COL6A1: variants seen among roughly 807,000 people sequenced by gnomAD.
COL6A1 encodes collagen type VI alpha 1 chain, also known as collagen alpha-1(VI) chain.
A neutral mutation model predicts 145.6 loss-of-function variants in COL6A1; 80 were observed. The observed-to-expected ratio is 0.55, with a 90% CI of 0.46 to 0.66. The LOEUF is 0.66. Among genes scored for constraint, COL6A1 ranks in the 30% least tolerant of loss-of-function variants. COL6A1 has a pLI of 0.00. For synonymous variants in COL6A1, 638 were observed against 622.8 expected, an observed-to-expected ratio of 1.02 and a Z score of -0.36; for missense variants, 1,364 against 1,473.8, an observed-to-expected ratio of 0.93 and a Z score of 1.22.
At chr21:45,996,973 A>C (rs1243880573) in intron 20 of COL6A1, among the ~76,000 whole-genome samples, 1 of 152,090 alleles carries the variant, frequency 6.6e-6, no homozygotes, top group Non-Finnish European at 1.5e-5. Context: ...GGGGACCATG[A>C]GGGAGGGCAG....
In COL6A1 at chr21:45,982,451, C is replaced by A. The variant is rs540639084; in HGVS notation, c.98-183C>A. 2.6e-5 allele frequency among the ~76,000 whole-genome samples: 4 copies of A among 152,320 alleles called. No homozygotes were observed. The South Asian group carries it at 8.3e-4, about 32-fold the overall frequency. On this transcript the variant is annotated intron_variant, in intron 1 of 34. Transcript: ENST00000361866. Reference sequence around the variant, plus strand: ...TCGAGGCACAGGAGCGGTTTGGGGTCTCTCACTCCACCCCCTCCCCACCGT... The same window carrying A: ...TCGAGGCACAGGAGCGGTTTGGGGTATCTCACTCCACCCCCTCCCCACCGT...
At chr21:45,989,034 T>C in intron 8 of COL6A1, 50 bp from the exon 9 acceptor site, 2 of 1,597,944 alleles carry the variant, frequency 1.3e-6, no homozygotes, top group Non-Finnish European at 1.7e-6. Context: ...TGAGCCAGCT[T>C]TTTAGAAAGA....
intron 9 of COL6A1, 125 bp downstream of exon 9, chr21:45,989,262 G>A (rs901937358): frequency 7.4e-6 from 8 of 1,087,922 alleles, no homozygotes; most frequent in Non-Finnish European, 1.1e-5. Context: ...TTCCTTGTGG[G>A]TGGGAGCAGA....
intron 3 of COL6A1, among the ~76,000 whole-genome samples, chr21:45,985,043 GAAAC>G (rs1603589711): frequency 6.6e-6 from 1 of 151,430 alleles, no homozygotes. Context: ...CAGAGACAGA[GAAAC>G]AAAGACAGTC....
intron 20 of COL6A1, among the ~76,000 whole-genome samples, chr21:45,996,295 G>T (rs1262499747): frequency 6.6e-6 from 1 of 152,206 alleles, no homozygotes; most frequent in Non-Finnish European, 1.5e-5. Flanking sequence ...TGAGCTTCTG[G>T]ACCTCCTTGA....
intron 20 of COL6A1, among the ~76,000 whole-genome samples, chr21:45,995,909 G>A (rs1321158354): frequency 1.4e-5 from 2 of 147,220 alleles, no homozygotes; most frequent in Non-Finnish European, 3.0e-5. Flanking sequence ...CCATCGGGAC[G>A]TTGGGCTCCC....
In COL6A1 at chr21:45,992,066, A is replaced by T. The variant is rs1482715255; in HGVS notation, c.1176A>T (p.Gly392=). The change falls in exon 16 of 35, where the codon GGA becomes GGT. Residue 392 remains glycine, a synonymous_variant. Coordinates refer to ENST00000361866, the MANE Select transcript of COL6A1 (RefSeq NM_001848.3). ...GACCAGGGAGCTCGGGACCATCTGG[A>T]GACGAGGTGAGGAGCTTCACAGCCC... is the stretch of plus-strand genomic sequence containing the variant. ...AGRPGSSGPS[G]DEGQPGEPGP... The T allele has an allele frequency of 1.9e-6, 3 of 1,612,184 alleles. No homozygotes were observed. In the African/African-American group the frequency reaches 4.0e-5, roughly 22 times the overall value.
Position 45,998,446 on chromosome 21 carries a change from C to T in COL6A1, c.1611+13C>T, listed in dbSNP as rs954713402. On this transcript the variant is annotated intron_variant, in intron 24 of 34. Transcript: ENST00000361866. ...TCCCGGGATAAACGTGAGTACGCCC[C>T]CTCCTCCATCTGGCTGTGGGCACAC... 1 of 1,613,246 alleles carries T rather than the reference C, an allele frequency of 6.2e-7. No individual in the cohort carries two copies. The highest frequency in any genetic ancestry group is 8.5e-7 in the Non-Finnish European group (1 of 1,179,988).
chr21:45,987,607 C>T lies in COL6A1; in HGVS notation c.760-3C>T. Reference sequence around the variant, plus strand: ...CTGGCTGACCGTCCCCTCTGCCTTGCAGCCTGCAAGAGGACCTCCGGGGCT... The same window carrying T: ...CTGGCTGACCGTCCCCTCTGCCTTGTAGCCTGCAAGAGGACCTCCGGGGCT... On this transcript the variant is annotated splice_region_variant and splice_polypyrimidine_tract_variant and intron_variant, in intron 7 of 34. Coordinates refer to ENST00000361866, the MANE Select transcript of COL6A1 (RefSeq NM_001848.3). 1 of 1,612,196 alleles carries T rather than the reference C, an allele frequency of 6.2e-7. No homozygotes were observed.
chr21:46,002,364 C>A lies in COL6A1; in HGVS notation c.2213C>A (p.Thr738Asn). The part of the protein sequence containing the change: ...TDGRSDTQRD[T>N]TPLNVLCSPG... Reference sequence around the variant, plus strand: ...GGGCGCTCAGACACTCAGAGGGACACCACACCGCTCAACGTGCTCTGCAGC... The same window carrying A: ...GGGCGCTCAGACACTCAGAGGGACAACACACCGCTCAACGTGCTCTGCAGC... The change falls in exon 32 of 35, where the codon ACC (threonine) becomes AAC (asparagine). Residue 738 changes from threonine (T) to asparagine (N), a missense_variant. Thr to Asn is a moderately conservative substitution (Grantham distance 65). This residue lies in a region of COL6A1 where 938 missense variants were observed against 1,003.8 expected (regional missense o/e 0.93). Coordinates refer to ENST00000361866, the MANE Select transcript of COL6A1 (RefSeq NM_001848.3). The A allele has an allele frequency of 1.3e-6, 2 of 1,594,110 alleles. No individual in the cohort carries two copies. The highest frequency in any genetic ancestry group is 1.7e-6 in the Non-Finnish European group (2 of 1,170,886).
At chr21:45,992,487 T>C in intron 18 of COL6A1, 89 bp downstream of exon 18, 1 of 1,463,252 alleles carries the variant, frequency 6.8e-7, no homozygotes, top group Non-Finnish European at 9.4e-7. Context: ...CTCCCAGCAC[T>C]GAGAGCCATG....
chr21:45,990,026 G>A (rs1412475542), intron 11 of COL6A1, among the ~76,000 whole-genome samples: 1 of 14,318 alleles, frequency 7.0e-5, no homozygotes, highest in Non-Finnish European at 1.3e-4. Context: ...TACCCTCTGC[G>A]GAGCCGGGGG....
intron 20 of COL6A1, among the ~76,000 whole-genome samples, chr21:45,996,868 C>T (rs2077807511): frequency 6.6e-6 from 1 of 152,194 alleles, no homozygotes; most frequent in Non-Finnish European, 1.5e-5. Context: ...CAGCAGGCAG[C>T]CTCAGGTGCA....
Position 45,992,236 on chromosome 21 carries a change from C to T in COL6A1, c.1236+19C>T. The T allele has an allele frequency of 6.2e-7, 1 of 1,613,686 alleles. No individual in the cohort carries two copies. Among genetic ancestry groups the T allele is most frequent in the Non-Finnish European group, 8.5e-7 (1 of 1,179,974 alleles). On this transcript the variant is annotated intron_variant, in intron 17 of 34. Coordinates refer to ENST00000361866, the MANE Select transcript of COL6A1 (RefSeq NM_001848.3). The stretch of plus-strand genomic sequence containing the variant: ...CGACGAGGTGAGTGAGGGCTCCTGA[C>T]ACCTTCCTGGGGAAGTGCATGGCCT...
At chr21:45,991,420 T>TGGGCGGGAGGGTGGTGAGCGG (rs2077776506) in intron 15 of COL6A1, among the ~76,000 whole-genome samples, 2 of 115,000 alleles carry the variant, frequency 1.7e-5, no homozygotes, top group Non-Finnish European at 3.9e-5. Context: ...GGGTGGCGAG[T>TGGGCGGGAGGGTGGTGAGCGG]GGGCGGGAGG....
intron 24 of COL6A1, 86 bp downstream of exon 24, chr21:45,998,519 C>T (rs1366476225): frequency 6.4e-7 from 1 of 1,568,876 alleles, no homozygotes; most frequent in Non-Finnish European, 8.7e-7. Flanking sequence ...CACATGTGCA[C>T]ACAGGCTCCC....
At chr21:45,985,295 TAGAGACAGAGAGGGAGAC>T (rs1569517790) in intron 3 of COL6A1, among the ~76,000 whole-genome samples, 1 of 125,858 alleles carries the variant, frequency 7.9e-6, no homozygotes, top group African/African-American at 3.1e-5. Context: ...GACAGAGAGA[TAGAGACAGAGAGGGAGAC>T]AGAGAGATAG....
At chr21:45,990,017 ACCCTCTGCGGAGCCGGGGGTCC>A (rs1569518165) in intron 11 of COL6A1, among the ~76,000 whole-genome samples, 3 of 11,090 alleles carry the variant, frequency 2.7e-4, no homozygotes, top group Non-Finnish European at 4.0e-4. Flanking sequence ...CCGGGCGGTT[ACCCTCTGCGGAGCCGGGGGTCC>A]CCCGGGCGGT....
At chr21:45,995,844 C>G (rs773422285) in intron 20 of COL6A1, among the ~76,000 whole-genome samples, 1 of 152,234 alleles carries the variant, frequency 6.6e-6, no homozygotes, top group Non-Finnish European at 1.5e-5. Context: ...TGGAGCCTCC[C>G]TGGGGCCTTT....
Sources: gnomAD v4.1 joint callset for allele counts (sites outside exome capture counted in the v4.1 genomes callset) on GRCh38, gnomAD v4.1.1 for gene constraint, gnomAD v4.1.1 regional missense constraint, MANE v1.5 for transcripts, NCBI Gene and HGNC (gene_info 2026-07-23, HGNC 2026-07-21) for gene names.